The following AFF3 variants were observed in gnomAD, a reference collection of about 807,000 sequenced individuals.
AFF3 encodes AF4/FMR2 family member 3.
A neutral mutation model predicts 129.7 loss-of-function variants in AFF3; 32 were observed. The observed-to-expected ratio is 0.25, with a 90% CI of 0.19 to 0.33. The LOEUF is 0.33. AFF3 is among the 10% of genes least tolerant of loss of function. The pLI, the probability that AFF3 is intolerant of heterozygous loss-of-function variation, is 1.00. For missense variants in AFF3, 1,373 were observed against 1,592.0 expected (o/e 0.86, Z 2.34); for synonymous variants, 644 against 635.4 (o/e 1.01, Z -0.20).
chr2:100,060,015 C>T (rs747908687), intron 4 of AFF3, among the ~76,000 whole-genome samples: 11 of 152,156 alleles, frequency 7.2e-5, no homozygotes, highest in African/African-American at 1.4e-4. Flanking sequence ...CTGATCCACT[C>T]GTGTGCAGTT....
intron 7 of AFF3, among the ~76,000 whole-genome samples, chr2:99,891,453 G>A (rs944491698): frequency 7.2e-5 from 11 of 152,156 alleles, no homozygotes; most frequent in Non-Finnish European, 1.2e-4. Context: ...GTAAAGAAGC[G>A]AACAAGGAGC....
At chr2:100,081,297 A>AT (rs1300880344) in intron 4 of AFF3, among the ~76,000 whole-genome samples, 2 of 151,886 alleles carry the variant, frequency 1.3e-5, no homozygotes, top group Non-Finnish European at 2.9e-5. Flanking sequence ...ACAGAGGCCC[A>AT]TTTTCTCTAA....
At chr2:99,701,733 T>C (rs1676883527) in intron 11 of AFF3, among the ~76,000 whole-genome samples, 1 of 152,198 alleles carries the variant, frequency 6.6e-6, no homozygotes, top group South Asian at 2.1e-4. Flanking sequence ...ATCACACGTG[T>C]AGCTACACGT....
chr2:99,850,486 G>A (rs759488667), intron 7 of AFF3, among the ~76,000 whole-genome samples: 2 of 152,190 alleles, frequency 1.3e-5, no homozygotes, highest in Non-Finnish European at 2.9e-5. Context: ...AGACACGGGA[G>A]TTTGAACTAA....
In AFF3 at chr2:99,642,845, A is replaced by C. The variant is rs77391808; in HGVS notation, c.1184+6781T>G. On this transcript the variant is annotated intron_variant, in intron 13 of 24. Coordinates refer to ENST00000672756, the MANE Select transcript of AFF3 (RefSeq NM_001386135.1). Reference sequence around the variant, plus strand: ...CGCGGCTCAGTTTTCTCATCTGTAAAATGGGCCCCATCTATCTTTCAGGGT... The same window carrying C: ...CGCGGCTCAGTTTTCTCATCTGTAACATGGGCCCCATCTATCTTTCAGGGT... Among the ~76,000 whole-genome samples the C allele has an allele frequency of 7.8e-3, 1,190 of 152,192 alleles. 8 individuals carry two copies. Among genetic ancestry groups the C allele is most frequent in the Non-Finnish European group, 9.9e-3 (673 of 68,014 alleles).
intron 7 of AFF3, among the ~76,000 whole-genome samples, chr2:99,838,297 A>T (rs1007507976): frequency 2.6e-5 from 4 of 151,990 alleles, no homozygotes; most frequent in Non-Finnish European, 5.9e-5. Flanking sequence ...TCTCAGGGAG[A>T]TCACTTCTCT....
At chr2:100,089,134 T>C (rs555722172) in intron 4 of AFF3, among the ~76,000 whole-genome samples, 9 of 152,318 alleles carry the variant, frequency 5.9e-5, no homozygotes, top group African/African-American at 2.2e-4. Flanking sequence ...GGAAACTCCT[T>C]TCACAGCCTC....
intron 8 of AFF3, among the ~76,000 whole-genome samples, chr2:99,789,294 T>G (rs1685027746): frequency 6.6e-6 from 1 of 151,730 alleles, no homozygotes. Flanking sequence ...GGCATGGCAG[T>G]GCATGTAGCT....
At chr2:99,878,856 A>C (rs575529731) in intron 7 of AFF3, among the ~76,000 whole-genome samples, 7 of 152,230 alleles carry the variant, frequency 4.6e-5, no homozygotes, top group Non-Finnish European at 7.3e-5. Flanking sequence ...AGATTTAAAC[A>C]ATAGCCCTTT....
chr2:99,551,623 ATGCCACACATGCT>A, intron 24 of AFF3, 28 bp from the exon 25 acceptor site: 1 of 1,613,584 alleles, frequency 6.2e-7, no homozygotes, highest in Non-Finnish European at 8.5e-7. Context: ...GTTGTTAAGA[ATGCCACACATGCT>A]AGGTGTGCTA....
At chr2:100,016,521 G>A (rs1353489941) in intron 4 of AFF3, among the ~76,000 whole-genome samples, 2 of 151,184 alleles carry the variant, frequency 1.3e-5, no homozygotes, top group African/African-American at 4.9e-5. Context: ...AGTGGTGGTG[G>A]CGGTAGTGGT....
At chr2:99,989,030 T>C (rs560769885) in intron 7 of AFF3, among the ~76,000 whole-genome samples, 1 of 152,146 alleles carries the variant, frequency 6.6e-6, no homozygotes, top group South Asian at 2.1e-4. Flanking sequence ...GGATTAGATA[T>C]GGAATGATGG....
In AFF3 at chr2:99,548,461, C is replaced by T. The variant is rs1674183390; in HGVS notation, c.*3013G>A. On this transcript the variant is annotated 3_prime_UTR_variant, in exon 25 of 25. Coordinates refer to ENST00000672756, the MANE Select transcript of AFF3 (RefSeq NM_001386135.1). ...AAAGGTATTTCAACTTGAAACAAAACTAAACAGGCCAGGCATGGTGGCTCA... is the reference window on the plus strand; with the variant it reads ...AAAGGTATTTCAACTTGAAACAAAATTAAACAGGCCAGGCATGGTGGCTCA... The T allele has an allele frequency of 1.0e-5, 2 of 196,964 alleles. No individual in the cohort carries two copies. Among genetic ancestry groups the T allele is most frequent in the Admixed American group, 6.1e-5 (1 of 16,494 alleles). 12.2% of individuals were successfully genotyped at this position (196,964 alleles called of 1,614,324 possible). A position where few individuals can be genotyped will look rare whatever the true frequency, so the allele number is the denominator to read the frequency against.
intron 4 of AFF3, among the ~76,000 whole-genome samples, chr2:100,034,792 C>T (rs931992236): frequency 5.9e-5 from 9 of 152,190 alleles, no homozygotes; most frequent in Admixed American, 1.3e-4. Flanking sequence ...TAATGATCAC[C>T]TAAGTTCCCC....
chr2:99,848,851 T>C (rs1024413903), intron 7 of AFF3, among the ~76,000 whole-genome samples: 21 of 152,224 alleles, frequency 1.4e-4, no homozygotes, highest in African/African-American at 4.8e-4. Context: ...AATTATGGAC[T>C]TGATTTCTAG....
chr2:99,718,249 G>A (rs1016558827), intron 11 of AFF3, among the ~76,000 whole-genome samples: 3 of 152,154 alleles, frequency 2.0e-5, no homozygotes, highest in African/African-American at 7.2e-5. Flanking sequence ...TATAGATCAA[G>A]ATGAGAAAAA....
At position 99,635,915 on chromosome 2, in the gene AFF3, G is replaced by A. The variant is rs549211036; in HGVS notation, c.1184+13711C>T. 5.9e-5 allele frequency among the ~76,000 whole-genome samples: 9 copies of A among 152,250 alleles called. No individual in the cohort carries two copies. The South Asian group carries it at 1.5e-3, about 25-fold the overall frequency. On this transcript the variant is annotated intron_variant, in intron 13 of 24. Transcript: ENST00000672756. ...CCTGAGAGACTACGAGGTCACATAC[G>A]CCCCCCACATCTGCCAGGACCACAT...
chr2:100,110,060 T>C (rs1691463088), intron 2 of AFF3: 1 of 152,140 alleles, frequency 6.6e-6, no homozygotes, highest in South Asian at 2.1e-4. Context: ...GCACCTGGAG[T>C]GAGGCGCTCC....
intron 12 of AFF3, among the ~76,000 whole-genome samples, chr2:99,653,810 A>G (rs1425003894): frequency 6.6e-6 from 1 of 150,880 alleles, no homozygotes; most frequent in African/African-American, 2.4e-5. Flanking sequence ...AATCTGTCAC[A>G]TGATGTATGC....
Sources: allele counts gnomAD v4.1 joint callset (sites outside exome capture counted in the v4.1 genomes callset), GRCh38; gene constraint gnomAD v4.1.1; transcripts MANE v1.5; gene names NCBI Gene and HGNC (gene_info 2026-07-23, HGNC 2026-07-21).